The following RPRD2 variants were observed in gnomAD, a reference collection of about 807,000 sequenced individuals.
RPRD2 encodes regulation of nuclear pre-mRNA domain containing 2.
In RPRD2, 12 loss-of-function variants were observed where a neutral mutation model predicts 104.4. The ratio of observed to expected loss-of-function variants is 0.11; its 90% confidence interval spans 0.07 to 0.19. The LOEUF is 0.19. RPRD2 is among the 10% of genes least tolerant of loss of function. The probability of loss-of-function intolerance (pLI) is 1.00; values close to 1 mark genes in which losing one functional copy is unlikely to be tolerated. For missense variants in RPRD2, 1,543 were observed against 1,790.1 expected (o/e 0.86, Z 2.49); for synonymous variants, 714 against 684.9 (o/e 1.04, Z -0.66).
chr1:150,441,891 C>G lies in RPRD2; in HGVS notation c.447C>G (p.Phe149Leu), dbSNP rs375854258. 9 of 1,612,056 alleles carry G rather than the reference C, an allele frequency of 5.6e-6. No individual in the cohort carries two copies. The highest frequency in any genetic ancestry group is 4.0e-5 in the African/African-American group (3 of 74,840). The change falls in exon 4 of 11, where the codon TTC (phenylalanine) becomes TTG (leucine). Residue 149 changes from phenylalanine to leucine, a missense_variant. By Grantham distance (22) the Phe-to-Leu change is conservative (BLOSUM62 0). Around this residue, in one of 4 missense-constraint regions of RPRD2, gnomAD observed 572 missense variants for 787.3 expected, o/e 0.73. Coordinates refer to ENST00000369068, the MANE Select transcript of RPRD2 (RefSeq NM_015203.5). ...TGAAATGTTTTCCAGGTACCACTTTCAAAACTCAGAAGCAGCTGAAAGAAA... is the reference window on the plus strand; with the variant it reads ...TGAAATGTTTTCCAGGTACCACTTTGAAAACTCAGAAGCAGCTGAAAGAAA... ...VALREALSTT[F>L]KTQKQLKENL...
chr1:150,377,322 C>T (rs587697035), intron 1 of RPRD2, among the ~76,000 whole-genome samples: 11 of 152,030 alleles, frequency 7.2e-5, no homozygotes, highest in Non-Finnish European at 1.3e-4. Context: ...GTAAATGGGC[C>T]GGGCGCGGTG....
At chr1:150,468,095 G>A (rs1348329719) in intron 10 of RPRD2, among the ~76,000 whole-genome samples, 2 of 152,162 alleles carry the variant, frequency 1.3e-5, no homozygotes, top group Non-Finnish European at 2.9e-5. Context: ...CCGGAAGGCA[G>A]AGGTTGCAGT....
intron 7 of RPRD2, among the ~76,000 whole-genome samples, chr1:150,448,575 A>G (rs1666950484): frequency 6.6e-6 from 1 of 152,222 alleles, no homozygotes; most frequent in East Asian, 1.9e-4. Flanking sequence ...CAATTTTTCA[A>G]AAAGCTTACA....
intron 1 of RPRD2, among the ~76,000 whole-genome samples, chr1:150,402,494 A>G (rs112459788): frequency 0.026 from 3,892 of 152,044 alleles, 164 homozygotes; most frequent in African/African-American, 0.088. Context: ...CCTGGGCAAC[A>G]TAGTGAGACC....
At chr1:150,392,979 C>T (rs782028566) in intron 1 of RPRD2, among the ~76,000 whole-genome samples, 1 of 152,022 alleles carries the variant, frequency 6.6e-6, no homozygotes, top group Non-Finnish European at 1.5e-5. Context: ...ATATATCAAT[C>T]ACAGTTAAAC....
chr1:150,433,433 G>C (rs1182895200), intron 2 of RPRD2, among the ~76,000 whole-genome samples: 31 of 109,404 alleles, frequency 2.8e-4, no homozygotes, highest in African/African-American at 6.7e-4. Flanking sequence ...CACACACACA[G>C]ACATAATTTT....
intron 7 of RPRD2, among the ~76,000 whole-genome samples, chr1:150,450,144 A>G (rs1467792130): frequency 6.6e-6 from 1 of 152,150 alleles, no homozygotes; most frequent in Non-Finnish European, 1.5e-5. Context: ...GGTAAAATTT[A>G]TTCATCTTTT....
At chr1:150,393,116 T>TA (rs1438679195) in intron 1 of RPRD2, among the ~76,000 whole-genome samples, 1 of 151,472 alleles carries the variant, frequency 6.6e-6, no homozygotes, top group Admixed American at 6.6e-5. Context: ...CCAAAAACAA[T>TA]AAAAAACATA....
intron 1 of RPRD2, among the ~76,000 whole-genome samples, chr1:150,366,425 A>G (rs1207221511): frequency 6.6e-6 from 1 of 152,272 alleles, no homozygotes; most frequent in Non-Finnish European, 1.5e-5. Context: ...GATACCGGAC[A>G]GAATTACCTG....
intron 7 of RPRD2, among the ~76,000 whole-genome samples, chr1:150,450,753 T>G (rs1667111909): frequency 6.6e-6 from 1 of 150,954 alleles, no homozygotes; most frequent in African/African-American, 2.4e-5. Flanking sequence ...CCCGAATAGG[T>G]GGAACTACAG....
chr1:150,441,777 A>G (rs1666420729), intron 3 of RPRD2, 104 bp from the exon 4 acceptor site: 1 of 621,334 alleles, frequency 1.6e-6, no homozygotes, highest in Non-Finnish European at 2.8e-6. Context: ...GAAACAACAC[A>G]CAGTCTCGGA....
chr1:150,397,980 T>C (rs1333646483), intron 1 of RPRD2, among the ~76,000 whole-genome samples: 1 of 151,572 alleles, frequency 6.6e-6, no homozygotes. Context: ...TAACAGCATC[T>C]TTAATTGTAT....
At chr1:150,418,518 G>T (rs782354439) in intron 2 of RPRD2, among the ~76,000 whole-genome samples, 5 of 152,054 alleles carry the variant, frequency 3.3e-5, no homozygotes, top group Non-Finnish European at 7.4e-5. Flanking sequence ...ACTCCATGTT[G>T]ATTTAATTTC....
intron 6 of RPRD2, among the ~76,000 whole-genome samples, chr1:150,445,893 C>A (rs1460656941): frequency 6.6e-6 from 1 of 151,966 alleles, no homozygotes; most frequent in East Asian, 1.9e-4. Context: ...ACAGTGAAAC[C>A]CCATCTCCGC....
At chr1:150,429,807 A>G (rs933257712) in intron 2 of RPRD2, among the ~76,000 whole-genome samples, 4 of 152,236 alleles carry the variant, frequency 2.6e-5, no homozygotes, top group Admixed American at 2.6e-4. Flanking sequence ...ATAGTCAACC[A>G]TCTATTCCAA....
At chr1:150,465,539 C>T (rs1009623770) in intron 10 of RPRD2, among the ~76,000 whole-genome samples, 10 of 152,132 alleles carry the variant, frequency 6.6e-5, no homozygotes, top group African/African-American at 2.4e-4. Context: ...AACTAAGGCT[C>T]AGTAAGGTGA....
At position 150,416,586 on chromosome 1, in the gene RPRD2, C is replaced by T. The variant is rs138190861; in HGVS notation, c.206-1010C>T. Reference sequence around the variant, plus strand: ...GTCATGAACCATTGAAAAACTTAACCGACTGGGTGTGGTGGCTCACACCTG... The same window carrying T: ...GTCATGAACCATTGAAAAACTTAACTGACTGGGTGTGGTGGCTCACACCTG... On this transcript the variant is annotated intron_variant, in intron 1 of 10. Transcript: ENST00000369068. Among the ~76,000 whole-genome samples the T allele has an allele frequency of 4.1e-3, 627 of 151,920 alleles. 7 individuals carry two copies. Among genetic ancestry groups the T allele is most frequent in the African/African-American group, 0.014 (589 of 41,426 alleles).
chr1:150,447,893 G>C (rs1666896117), intron 7 of RPRD2, among the ~76,000 whole-genome samples: 1 of 151,972 alleles, frequency 6.6e-6, no homozygotes, highest in Non-Finnish European at 1.5e-5. Context: ...ATTCTTTCTT[G>C]ATTTATCCTA....
intron 1 of RPRD2, among the ~76,000 whole-genome samples, chr1:150,404,044 A>T (rs2102230541): frequency 6.6e-6 from 1 of 152,300 alleles, no homozygotes; most frequent in South Asian, 2.1e-4. Flanking sequence ...CCTAGAGGAA[A>T]TGGAGAAAGT....
Sources: allele counts gnomAD v4.1 joint callset (sites outside exome capture counted in the v4.1 genomes callset), GRCh38; gene constraint gnomAD v4.1.1; regional missense constraint gnomAD v4.1.1; transcripts MANE v1.5; gene names NCBI Gene and HGNC (gene_info 2026-07-23, HGNC 2026-07-21).